Variants in AMBP observed in about 807,000 individuals in gnomAD.
The protein encoded by AMBP is alpha-1-microglobulin/bikunin precursor.
Under a neutral mutation model 46.3 loss-of-function variants are expected in AMBP, and 37 were observed. The ratio of observed to expected loss-of-function variants is 0.80; its 90% CI spans 0.61 to 1.05. AMBP has a LOEUF of 1.05. Among genes scored for constraint, AMBP ranks in the 50% least tolerant of loss-of-function variants. The pLI, the probability that AMBP is intolerant of heterozygous loss-of-function variation, is 0.00. For missense variants in AMBP, 475 were observed against 461.2 expected (o/e 1.03, Z -0.27); for synonymous variants, 174 against 175.9 (o/e 0.99, Z 0.09).
chr9:114,061,132 A>C, intron 8 of AMBP, 34 bp from the exon 9 acceptor site: 1 of 1,606,334 alleles, frequency 6.2e-7, no homozygotes, highest in African/African-American at 1.3e-5. Context: ...AACTTGAGAA[A>C]CCCTTGTGAC....
At chr9:114,069,571 C>A in intron 6 of AMBP, 128 bp downstream of exon 6, 1 of 879,452 alleles carries the variant, frequency 1.1e-6, no homozygotes, top group Non-Finnish European at 1.8e-6. Flanking sequence ...CACTCATGGC[C>A]ATCGCTGCCT....
At chr9:114,063,049 G>T (rs1027607735) in intron 6 of AMBP, among the ~76,000 whole-genome samples, 3 of 88,348 alleles carry the variant, frequency 3.4e-5, no homozygotes, top group African/African-American at 1.2e-4. Flanking sequence ...GTAATGAAAA[G>T]GTACCTCCCA....
chr9:114,075,893 G>A (rs915663281), intron 2 of AMBP, among the ~76,000 whole-genome samples: 2 of 152,162 alleles, frequency 1.3e-5, no homozygotes, highest in African/African-American at 4.8e-5. Flanking sequence ...GGGACATCAG[G>A]TGCAAGGACC....
intron 5 of AMBP, among the ~76,000 whole-genome samples, chr9:114,071,670 C>T (rs533493764): frequency 7.4e-4 from 112 of 152,332 alleles, no homozygotes; most frequent in African/African-American, 2.6e-3. Context: ...TACCCATGGC[C>T]GCCCATGGGC....
chr9:114,071,753 G>A (rs529249119), intron 5 of AMBP, among the ~76,000 whole-genome samples: 1 of 152,352 alleles, frequency 6.6e-6, no homozygotes, highest in African/African-American at 2.4e-5. Context: ...AGAGGACAGA[G>A]AGACAAGGGG....
At chr9:114,070,709 G>A (rs28616789) in intron 5 of AMBP, among the ~76,000 whole-genome samples, 45,292 of 151,972 alleles carry the variant, frequency 0.3, 6,969 homozygotes, top group East Asian at 0.46. Context: ...AGTGGCGTCC[G>A]CTTCAGGGAC....
chr9:114,067,264 A>G (rs1165424385), intron 6 of AMBP, among the ~76,000 whole-genome samples: 1 of 151,690 alleles, frequency 6.6e-6, no homozygotes, highest in African/African-American at 2.4e-5. Context: ...AATAGAGACA[A>G]GGTCTCACTG....
At position 114,061,077 on chromosome 9, in the gene AMBP, A is replaced by C. The variant is rs1291562183; in HGVS notation, c.875T>G (p.Val292Gly). ...RTVAACNLPIVRGPCRAFIQL... is the reference protein window; with the variant it reads ...RTVAACNLPIGRGPCRAFIQL... Reference sequence around the variant, plus strand: ...GATGAAGGCTCGGCAGGGGCCCCGGACTATGGGGAGATTGCAGGCCGCTGT... The same window carrying C: ...GATGAAGGCTCGGCAGGGGCCCCGGCCTATGGGGAGATTGCAGGCCGCTGT... The change falls in exon 9 of 10, where the codon GTC (valine) becomes GGC (glycine). Residue 292 changes from valine (V) to glycine (G), a missense_variant. By Grantham distance (109) the Val-to-Gly change is moderately radical. Around this residue, in one of 3 missense-constraint regions of AMBP, gnomAD observed 293 missense variants for 276.9 expected, o/e 1.06. Coordinates refer to ENST00000265132, the MANE Select transcript of AMBP (RefSeq NM_001633.4). 2 of 1,614,182 alleles carry C rather than the reference A, an allele frequency of 1.2e-6. No homozygotes were observed. The highest frequency in any genetic ancestry group is 2.2e-5 in the South Asian group (2 of 91,076).
At chr9:114,064,662 C>CA (rs5900068) in intron 6 of AMBP, among the ~76,000 whole-genome samples, 41,362 of 146,814 alleles carry the variant, frequency 0.28, 6,239 homozygotes, top group East Asian at 0.42. Flanking sequence ...TAACATTTAG[C>CA]AAAAAAAAAA....
intron 6 of AMBP, among the ~76,000 whole-genome samples, chr9:114,065,679 T>G (rs1846687183): frequency 6.6e-6 from 1 of 151,558 alleles, no homozygotes; most frequent in South Asian, 2.1e-4. Flanking sequence ...TTACAAAAGT[T>G]GATGAACATA....
At chr9:114,068,266 T>A (rs144572036) in intron 6 of AMBP, among the ~76,000 whole-genome samples, 21 of 152,272 alleles carry the variant, frequency 1.4e-4, no homozygotes, top group African/African-American at 5.1e-4. Flanking sequence ...AAATATTCAT[T>A]TGAAGATCAA....
chr9:114,074,158 T>C lies in AMBP; in HGVS notation c.338-6A>G, dbSNP rs1404836033. 12 of 1,612,398 alleles carry C rather than the reference T, an allele frequency of 7.4e-6. No homozygotes were observed. In the African/African-American group the frequency reaches 1.2e-4, roughly 16 times the overall value. ...CTCCATGGTTATGTTCCATTCTGCA[T>C]GGGAGGTGCAGGCAGACCAAAGGGA... On this transcript the variant is annotated splice_polypyrimidine_tract_variant and splice_region_variant and intron_variant, in intron 3 of 9. Transcript: ENST00000265132.
At chr9:114,066,508 G>T (rs192343773) in intron 6 of AMBP, among the ~76,000 whole-genome samples, 53 of 151,770 alleles carry the variant, frequency 3.5e-4, no homozygotes, top group Middle Eastern at 6.8e-3. Context: ...GGGATTATAC[G>T]CATGAGCAAA....
chr9:114,068,001 A>C (rs940922233), intron 6 of AMBP, among the ~76,000 whole-genome samples: 5 of 152,230 alleles, frequency 3.3e-5, no homozygotes, highest in Non-Finnish European at 7.3e-5. Context: ...AAAGTATAGA[A>C]CTACTTCTAA....
In AMBP at chr9:114,060,243, T is replaced by C. The variant is rs1846619281; in HGVS notation, c.1055A>G (p.Asn352Ser). The C allele has an allele frequency of 1.9e-6, 3 of 1,613,188 alleles. No individual in the cohort carries two copies. The highest frequency in any genetic ancestry group is 1.7e-5 in the Admixed American group (1 of 59,906). The change falls in exon 10 of 10, where the codon AAC becomes AGC. Residue 352 changes from asparagine (N) to serine (S), a missense_variant. By Grantham distance (46) the Asn-to-Ser change is conservative (BLOSUM62 1). Coordinates refer to ENST00000265132, the MANE Select transcript of AMBP (RefSeq NM_001633.4). The part of the protein sequence containing the change: ...DGDEELLRFS[N>S] The stretch of plus-strand genomic sequence containing the variant: ...GACTTGCAGACCGGCCAGTTGTCAG[T>C]TGGAGAAGCGCAGCAGCTCCTCATC...
chr9:114,066,917 T>C (rs557644665), intron 6 of AMBP, among the ~76,000 whole-genome samples: 2 of 152,118 alleles, frequency 1.3e-5, no homozygotes, highest in Admixed American at 1.3e-4. Context: ...AAAGAGAACA[T>C]TGAATTCCAG....
At chr9:114,069,656 G>C (rs1176812361) in intron 6 of AMBP, 43 bp downstream of exon 6, 2 of 1,565,714 alleles carry the variant, frequency 1.3e-6, no homozygotes, top group Admixed American at 3.5e-5. Context: ...GGGCAGAGTG[G>C]GGTGGGATGG....
At chr9:114,067,181 T>G (rs1374046569) in intron 6 of AMBP, among the ~76,000 whole-genome samples, 1 of 152,116 alleles carries the variant, frequency 6.6e-6, no homozygotes, top group African/African-American at 2.4e-5. Flanking sequence ...CCTCTTGATC[T>G]GCCCGCCTCA....
intron 8 of AMBP, 83 bp downstream of exon 8, chr9:114,061,341 T>C (rs1401980000): frequency 2.5e-6 from 4 of 1,595,634 alleles, no homozygotes; most frequent in Middle Eastern, 3.3e-4. Flanking sequence ...CTCTGTTAGC[T>C]ACCTTTTCAA....
Sources: allele counts gnomAD v4.1 joint callset (sites outside exome capture counted in the v4.1 genomes callset), GRCh38; gene constraint gnomAD v4.1.1; regional missense constraint gnomAD v4.1.1; transcripts MANE v1.5; gene names NCBI Gene and HGNC (gene_info 2026-07-23, HGNC 2026-07-21).